Variants in SOX5 observed in about 807,000 individuals in gnomAD.
SOX5 encodes SRY-box transcription factor 5.
SOX5 carries 9 observed loss-of-function variants against 92.0 expected under a neutral mutation model. That is an observed-to-expected ratio of 0.10 (90% CI 0.06 to 0.17). The LOEUF is 0.17. Ranked by LOEUF, SOX5 falls within the 10% of genes least tolerant of loss-of-function variation. The probability of loss-of-function intolerance (pLI) is 1.00; values close to 1 mark genes in which losing one functional copy is unlikely to be tolerated. For synonymous variants in SOX5, 344 were observed against 336.3 expected, an observed-to-expected ratio of 1.02 and a Z score of -0.25; for missense variants, 642 against 944.5, an observed-to-expected ratio of 0.68 and a Z score of 4.20.
intron 4 of SOX5, among the ~76,000 whole-genome samples, chr12:24,094,191 C>T (rs959722994): frequency 4.6e-5 from 7 of 152,148 alleles, no homozygotes; most frequent in African/African-American, 1.7e-4. Flanking sequence ...AGATGATCCA[C>T]CCACCTCGGC....
rs184937908 is a variant in SOX5, at chr12:23,790,320, T to C, written c.482-34596A>G. ...CTTAAGTGTCATGATTTGCAAAATA[T>C]ACATACGCATGTATTAAATATGAAT... On this transcript the variant is annotated intron_variant, in intron 3 of 14. Coordinates refer to ENST00000451604, the MANE Select transcript of SOX5 (RefSeq NM_006940.6). Among the ~76,000 whole-genome samples, 194 of 152,292 alleles carry C rather than the reference T, an allele frequency of 1.3e-3. 1 individual carries two copies. The highest frequency in any genetic ancestry group is 3.1e-3 in the East Asian group (16 of 5,194).
chr12:23,555,770 C>T (rs1384247605), intron 11 of SOX5, among the ~76,000 whole-genome samples: 1 of 152,150 alleles, frequency 6.6e-6, no homozygotes, highest in Non-Finnish European at 1.5e-5. Context: ...TGCATAGTTA[C>T]CACTGCTGGA....
chr12:24,203,498 C>G (rs12368515), intron 4 of SOX5, among the ~76,000 whole-genome samples: 19,060 of 152,174 alleles, frequency 0.13, 1,257 homozygotes, highest in Admixed American at 0.15. Flanking sequence ...TAAATGAACA[C>G]ACGCATATAC....
chr12:23,977,835 TCTAA>T (rs1256613927), intron 4 of SOX5, among the ~76,000 whole-genome samples: 3 of 152,176 alleles, frequency 2.0e-5, no homozygotes, highest in Non-Finnish European at 4.4e-5. Context: ...ACCTATTGGT[TCTAA>T]CTCTGTTAGA....
chr12:23,533,650 G>T lies in SOX5; in HGVS notation c.*569C>A, dbSNP rs1939561553. ...CACAGACTTCCATCTTTAAAGTAGAGAGATGGAGAAGGTGGAGAGAAGTAA... is the reference window on the plus strand; with the variant it reads ...CACAGACTTCCATCTTTAAAGTAGATAGATGGAGAAGGTGGAGAGAAGTAA... On this transcript the variant is annotated 3_prime_UTR_variant, in exon 15 of 15. Coordinates refer to ENST00000451604, the MANE Select transcript of SOX5 (RefSeq NM_006940.6). 1 of 152,720 alleles carries T rather than the reference G, an allele frequency of 6.5e-6. No individual in the cohort carries two copies. Among genetic ancestry groups the T allele is most frequent in the African/African-American group, 2.4e-5 (1 of 41,376 alleles). The allele number at this position is 152,720 out of a possible 1,614,324, so 9.5% of individuals were successfully genotyped here. A position where few individuals can be genotyped will look rare whatever the true frequency, so the allele number is the denominator to read the frequency against.
intron 2 of SOX5, among the ~76,000 whole-genome samples, chr12:23,867,751 C>T (rs997123475): frequency 6.6e-6 from 1 of 151,596 alleles, no homozygotes; most frequent in Non-Finnish European, 1.5e-5. Context: ...CCAAAATGAA[C>T]AGTGATGCCT....
At chr12:23,971,825 C>T (rs1948372549) in intron 4 of SOX5, among the ~76,000 whole-genome samples, 1 of 152,066 alleles carries the variant, frequency 6.6e-6, no homozygotes. Context: ...TTGAAAGCTG[C>T]TGAGTGCTAA....
At chr12:23,785,474 G>C (rs2095362191) in intron 3 of SOX5, among the ~76,000 whole-genome samples, 1 of 152,136 alleles carries the variant, frequency 6.6e-6, no homozygotes, top group Non-Finnish European at 1.5e-5. Flanking sequence ...TTAATGAAAA[G>C]CCTAAATCAT....
At chr12:23,595,006 T>A (rs1952141457) in intron 9 of SOX5, among the ~76,000 whole-genome samples, 1 of 152,180 alleles carries the variant, frequency 6.6e-6, no homozygotes, top group African/African-American at 2.4e-5. Flanking sequence ...ATTTTCTTCA[T>A]ATCACTTAGC....
intron 6 of SOX5, among the ~76,000 whole-genome samples, chr12:23,733,872 A>G (rs2093483902): frequency 6.6e-6 from 1 of 152,192 alleles, no homozygotes; most frequent in Non-Finnish European, 1.5e-5. Context: ...TTGGATTCAT[A>G]GCTCCATGAA....
intron 11 of SOX5, 89 bp from the exon 12 acceptor site, chr12:23,546,513 C>T: frequency 1.4e-6 from 1 of 718,734 alleles, no homozygotes; most frequent in Non-Finnish European, 2.4e-6. Context: ...AATACATTAA[C>T]TCCTGGAAAG....
chr12:23,770,048 GT>G lies in SOX5; in HGVS notation c.482-14325del, dbSNP rs71059922. On this transcript the variant is annotated intron_variant, in intron 3 of 14. Coordinates refer to ENST00000451604, the MANE Select transcript of SOX5 (RefSeq NM_006940.6). ...ATATTTCAAGTTAAATGCTCCCTCT[GT>G]TTTTTTTTTTTTTTTTTGCCTCACA... 3.7e-3 allele frequency among the ~76,000 whole-genome samples: 398 copies of G among 106,476 alleles called. 1 individual carries two copies. The highest frequency in any genetic ancestry group is 7.4e-3 in the African/African-American group (206 of 27,878). The allele number at this position is 106,476 out of a possible 152,430, so 69.9% of individuals were successfully genotyped here. A position where few individuals can be genotyped will look rare whatever the true frequency, so the allele number is the denominator to read the frequency against.
At chr12:23,592,440 A>G (rs945123027) in intron 9 of SOX5, among the ~76,000 whole-genome samples, 4 of 152,178 alleles carry the variant, frequency 2.6e-5, no homozygotes, top group Admixed American at 1.3e-4. Flanking sequence ...GGGATATTGC[A>G]ATTTAAGTCC....
intron 3 of SOX5, among the ~76,000 whole-genome samples, chr12:23,779,814 T>TATATATATATATATATACAC (rs777013504): frequency 6.1e-4 from 68 of 110,774 alleles, no homozygotes; most frequent in African/African-American, 2.3e-3. Context: ...TATATATATA[T>TATATATATATATATATACAC]ACACACACAC....
chr12:23,841,303 A>G (rs1206248348), intron 3 of SOX5, among the ~76,000 whole-genome samples: 1 of 152,148 alleles, frequency 6.6e-6, no homozygotes, highest in African/African-American at 2.4e-5. Flanking sequence ...AACTGACAAT[A>G]TCAAATTCTG....
chr12:23,875,910 T>A (rs2136959712), intron 2 of SOX5, among the ~76,000 whole-genome samples: 1 of 152,304 alleles, frequency 6.6e-6, no homozygotes, highest in East Asian at 1.9e-4. Flanking sequence ...TTACAAGCTA[T>A]CGGGCCTCTA....
chr12:24,219,792 C>T (rs1029626634), intron 3 of SOX5, among the ~76,000 whole-genome samples: 2 of 152,060 alleles, frequency 1.3e-5, no homozygotes, highest in Non-Finnish European at 2.9e-5. Context: ...CAGAAACCAT[C>T]CAACCATTCA....
intron 4 of SOX5, among the ~76,000 whole-genome samples, chr12:24,039,493 A>C (rs1214830626): frequency 6.6e-6 from 1 of 152,208 alleles, no homozygotes; most frequent in African/African-American, 2.4e-5. Context: ...GCATTGTTGC[A>C]ACCAGAAAAA....
At chr12:23,891,323 C>G (rs566586410) in intron 2 of SOX5, among the ~76,000 whole-genome samples, 5 of 152,322 alleles carry the variant, frequency 3.3e-5, no homozygotes, top group Non-Finnish European at 5.9e-5. Flanking sequence ...GTAACATTTG[C>G]ATAACCTGAA....
Sources: gnomAD v4.1 joint callset for allele counts (sites outside exome capture counted in the v4.1 genomes callset) on GRCh38, gnomAD v4.1.1 for gene constraint, MANE v1.5 for transcripts, NCBI Gene and HGNC (gene_info 2026-07-23, HGNC 2026-07-21) for gene names.